Variants in TENT5D observed in about 807,000 individuals in gnomAD.
The protein encoded by TENT5D is cancer/testis antigen 112.
For missense variants in TENT5D, 191 were observed against 287.0 expected, an observed-to-expected ratio of 0.67 and a Z score of 2.42; for synonymous variants, 103 against 100.6, an observed-to-expected ratio of 1.02 and a Z score of -0.15.
At chrX:80,402,801 A>C (rs1931412223) in intron 3 of TENT5D, among the ~76,000 whole-genome samples, 1 of 112,253 alleles carries the variant, frequency 8.9e-6, no homozygotes, top group Non-Finnish European at 1.9e-5. Flanking sequence ...CTCGTAGGCT[A>C]ACATGATCTT....
intron 2 of TENT5D, among the ~76,000 whole-genome samples, chrX:80,341,232 A>G (rs1929951283): frequency 8.9e-6 from 1 of 112,509 alleles, no homozygotes; most frequent in Admixed American, 9.4e-5. Flanking sequence ...ACTGTAAATA[A>G]AAGAAATACT....
intron 3 of TENT5D, among the ~76,000 whole-genome samples, chrX:80,351,660 A>C (rs1408613724): frequency 3.6e-5 from 4 of 110,186 alleles, no homozygotes; most frequent in Non-Finnish European, 3.8e-5. Flanking sequence ...CAACTCATCA[A>C]ACTCATTCTC....
intron 2 of TENT5D, among the ~76,000 whole-genome samples, chrX:80,440,729 A>G (rs765874434): frequency 2.8e-4 from 31 of 111,319 alleles, no homozygotes; most frequent in Non-Finnish European, 5.5e-4. Context: ...TTGCACATGA[A>G]GAAGGAATTT....
chrX:80,347,618 AG>A (rs1186004089), intron 3 of TENT5D, among the ~76,000 whole-genome samples: 2 of 111,988 alleles, frequency 1.8e-5, no homozygotes, highest in Non-Finnish European at 3.8e-5. Context: ...CCCATTCTGT[AG>A]GTTGCCTGTT....
intron 3 of TENT5D, among the ~76,000 whole-genome samples, chrX:80,349,588 T>TA (rs112004233): frequency 1.5e-3 from 165 of 109,805 alleles, no homozygotes; most frequent in African/African-American, 3.9e-3. Flanking sequence ...GTTAATCTTT[T>TA]AAAAAAAAAC....
intron 1 of TENT5D, among the ~76,000 whole-genome samples, chrX:80,433,431 T>C (rs1040383836): frequency 1.8e-5 from 2 of 112,101 alleles, no homozygotes; most frequent in African/African-American, 6.5e-5. Flanking sequence ...CTTAGAACAG[T>C]GTACACTTTT....
chrX:80,368,487 A>G (rs898808636), intron 3 of TENT5D, among the ~76,000 whole-genome samples: 6 of 111,709 alleles, frequency 5.4e-5, no homozygotes, highest in Admixed American at 9.6e-5. Flanking sequence ...CAGAGATTCT[A>G]TTCATCTTTT....
chrX:80,400,118 G>T (rs1184589504), intron 3 of TENT5D, among the ~76,000 whole-genome samples: 1 of 111,409 alleles, frequency 9.0e-6, no homozygotes, highest in Non-Finnish European at 1.9e-5. Context: ...AGCTGATGGT[G>T]TAACTCTCAG....
chrX:80,375,981 A>T (rs1222280082), intron 3 of TENT5D, among the ~76,000 whole-genome samples: 3 of 111,490 alleles, frequency 2.7e-5, no homozygotes, highest in Admixed American at 1.9e-4. Flanking sequence ...ATTTGATTGA[A>T]ATATATTTTT....
chrX:80,351,185 G>A (rs761707254), intron 3 of TENT5D, among the ~76,000 whole-genome samples: 16 of 110,338 alleles, frequency 1.5e-4, no homozygotes, highest in South Asian at 7.8e-4. Context: ...TTTGAATGTC[G>A]GCCTGTCTTG....
At chrX:80,411,453 T>G (rs1361363274) in intron 3 of TENT5D, among the ~76,000 whole-genome samples, 2 of 111,850 alleles carry the variant, frequency 1.8e-5, no homozygotes, top group Non-Finnish European at 3.8e-5. Context: ...TTGTTTTATT[T>G]TAGGACAAAA....
chrX:80,435,085 C>G (rs1428433874), intron 1 of TENT5D, among the ~76,000 whole-genome samples: 1 of 111,216 alleles, frequency 9.0e-6, no homozygotes, highest in Non-Finnish European at 1.9e-5. Context: ...GCCCAGCCCC[C>G]TTCTGAAACT....
chrX:80,421,971 G>A (rs1487775570), intron 1 of TENT5D, among the ~76,000 whole-genome samples: 4 of 111,123 alleles, frequency 3.6e-5, no homozygotes, highest in African/African-American at 6.6e-5. Context: ...GGAGGTTACT[G>A]AGTGGGAGGT....
chrX:80,337,917 G>A (rs1475178661), intron 2 of TENT5D, among the ~76,000 whole-genome samples: 4 of 110,290 alleles, frequency 3.6e-5, no homozygotes, highest in East Asian at 2.9e-4. Flanking sequence ...GGCCCACGCC[G>A]CCACACCCGG....
chrX:80,382,511 T>C (rs1022341764), intron 3 of TENT5D, among the ~76,000 whole-genome samples: 10 of 111,998 alleles, frequency 8.9e-5, no homozygotes, highest in Non-Finnish European at 1.5e-4. Flanking sequence ...CACTGCTCTC[T>C]TCACTGCTGT....
chrX:80,359,573 G>A (rs1930363125), intron 3 of TENT5D, among the ~76,000 whole-genome samples: 1 of 111,034 alleles, frequency 9.0e-6, no homozygotes, highest in Non-Finnish European at 1.9e-5. Flanking sequence ...ACTCATAAGT[G>A]GGAGTTGTAC....
chrX:80,407,687 A>G (rs1426466104), intron 3 of TENT5D, among the ~76,000 whole-genome samples: 2 of 108,895 alleles, frequency 1.8e-5, no homozygotes, highest in Non-Finnish European at 3.8e-5. Flanking sequence ...CATTAGACAG[A>G]TCAACGAGAC....
intron 3 of TENT5D, among the ~76,000 whole-genome samples, chrX:80,365,401 AT>A (rs1375867637): frequency 2.7e-5 from 3 of 111,587 alleles, no homozygotes; most frequent in African/African-American, 9.8e-5. Flanking sequence ...CTTATTTTCT[AT>A]GTAAGAAACA....
At chrX:80,356,232 T>G (rs1448294901) in intron 3 of TENT5D, among the ~76,000 whole-genome samples, 2 of 112,210 alleles carry the variant, frequency 1.8e-5, no homozygotes, top group Admixed American at 1.9e-4. Flanking sequence ...ACTCCTAGTT[T>G]ATTTACAACA....
Sources: allele counts gnomAD v4.1 joint callset (sites outside exome capture counted in the v4.1 genomes callset), GRCh38; gene constraint gnomAD v4.1.1; transcripts MANE v1.5; gene names NCBI Gene and HGNC (gene_info 2026-07-23, HGNC 2026-07-21).